The following SDK1 variants were observed in gnomAD, a reference collection of about 807,000 sequenced individuals.
SDK1 encodes protein sidekick-1.
SDK1 carries 157 observed loss-of-function variants against 245.5 expected under a neutral mutation model. The ratio of observed to expected loss-of-function variants is 0.64; its 90% CI spans 0.56 to 0.73. The LOEUF is 0.73. Among genes scored for constraint, SDK1 ranks in the 30% least tolerant of loss-of-function variants. The probability of loss-of-function intolerance (pLI) is 0.00; values close to 1 mark genes in which losing one functional copy is unlikely to be tolerated. For synonymous variants in SDK1, 1,647 were observed against 1,278.5 expected (o/e 1.29, Z -6.15); for missense variants, 3,583 against 3,002.3 (o/e 1.19, Z -4.52).
intron 17 of SDK1, among the ~76,000 whole-genome samples, chr7:4,019,857 A>G (rs1372900740): frequency 1.3e-5 from 2 of 152,050 alleles, no homozygotes; most frequent in East Asian, 3.9e-4. Flanking sequence ...ACAGATGTGG[A>G]TGGCCCTCCC....
intron 1 of SDK1, among the ~76,000 whole-genome samples, chr7:3,364,572 C>CA (rs1781039623): frequency 6.6e-6 from 1 of 152,080 alleles, no homozygotes; most frequent in Non-Finnish European, 1.5e-5. Context: ...GCACCTCTCT[C>CA]AAAAATCACT....
chr7:3,580,776 G>C (rs1780454114), intron 1 of SDK1, among the ~76,000 whole-genome samples: 1 of 151,886 alleles, frequency 6.6e-6, no homozygotes, highest in Non-Finnish European at 1.5e-5. Context: ...AGACGATCCT[G>C]GCTAACACCG....
At chr7:3,702,878 C>A (rs1215711928) in intron 4 of SDK1, among the ~76,000 whole-genome samples, 1 of 151,634 alleles carries the variant, frequency 6.6e-6, no homozygotes, top group Admixed American at 6.6e-5. Context: ...AGATTGAAAC[C>A]AAAATAAGAG....
chr7:3,577,622 G>C lies in SDK1; in HGVS notation c.299-41458G>C, dbSNP rs1190936250. Among the ~76,000 whole-genome samples the C allele has an allele frequency of 2.6e-5, 4 of 151,958 alleles. No homozygotes were observed. The East Asian group carries it at 5.8e-4, about 22-fold the overall frequency. On this transcript the variant is annotated intron_variant, in intron 1 of 44. Coordinates refer to ENST00000404826, the MANE Select transcript of SDK1 (RefSeq NM_152744.4). ...CTCACTTTTGCTTCTGCTCTTTATT[G>C]AACCTGTTTTGTGTCAGATACTGTG...
chr7:3,427,052 A>C (rs1361738131), intron 1 of SDK1, among the ~76,000 whole-genome samples: 1 of 152,228 alleles, frequency 6.6e-6, no homozygotes, highest in Non-Finnish European at 1.5e-5. Flanking sequence ...ACAGTGATGC[A>C]GGACTGTAAC....
intron 4 of SDK1, among the ~76,000 whole-genome samples, chr7:3,719,345 G>GA (rs995233482): frequency 2.5e-4 from 37 of 150,730 alleles, no homozygotes; most frequent in Admixed American, 1.8e-3. Flanking sequence ...AAACAACTCT[G>GA]AAAAAGAAGA....
chr7:4,090,799 C>G (rs1410351939), intron 22 of SDK1, among the ~76,000 whole-genome samples: 1 of 152,174 alleles, frequency 6.6e-6, no homozygotes, highest in African/African-American at 2.4e-5. Context: ...ATATCTATAG[C>G]TAGGTCAGTT....
At chr7:4,250,050 C>T (rs575583303) in intron 44 of SDK1, among the ~76,000 whole-genome samples, 1 of 152,334 alleles carries the variant, frequency 6.6e-6, no homozygotes, top group African/African-American at 2.4e-5. Context: ...CACCCACATA[C>T]ACCTGCAGCC....
chr7:3,725,061 G>A (rs1778969208), intron 4 of SDK1, among the ~76,000 whole-genome samples: 1 of 152,176 alleles, frequency 6.6e-6, no homozygotes, highest in Non-Finnish European at 1.5e-5. Flanking sequence ...AATGTGAATG[G>A]GCCTAGTTGT....
chr7:3,701,548 A>G (rs1437881423), intron 4 of SDK1, among the ~76,000 whole-genome samples: 1 of 152,162 alleles, frequency 6.6e-6, no homozygotes, highest in Non-Finnish European at 1.5e-5. Flanking sequence ...GTAGTGAGCT[A>G]TGATCGTGCT....
At position 4,114,192 on chromosome 7, in the gene SDK1, A is replaced by G. The variant is rs2141076; in HGVS notation, c.3741A>G (p.Glu1247=). The change falls in exon 25 of 45, where the codon GAA becomes GAG. Residue 1247 remains glutamate, a synonymous_variant. Transcript: ENST00000404826. ...TCGAGGAGCTGGAGGAGTGGATGGA[A>G]TACGAGCTGCAGATGCAGGCCTTCA... ...FTIEELEEWM[E]YELQMQAFNA... 0.13 allele frequency: 209,391 copies of G among 1,613,882 alleles called. 15,062 individuals are homozygous for G. Among genetic ancestry groups the G allele is most frequent in the African/African-American group, 0.24 (18,044 of 75,016 alleles).
intron 28 of SDK1, among the ~76,000 whole-genome samples, chr7:4,140,821 G>T (rs657717): frequency 0.18 from 27,081 of 152,138 alleles, 2,600 homozygotes; most frequent in South Asian, 0.24. Context: ...ATTAATAGAG[G>T]CCAGACACAG....
chr7:3,629,246 A>G (rs992477898), intron 2 of SDK1, among the ~76,000 whole-genome samples: 1 of 151,488 alleles, frequency 6.6e-6, no homozygotes, highest in Non-Finnish European at 1.5e-5. Flanking sequence ...GCTTGCAGTG[A>G]GCTGAGATCT....
chr7:4,137,605 A>G (rs981073449), intron 28 of SDK1, among the ~76,000 whole-genome samples: 61 of 152,286 alleles, frequency 4.0e-4, no homozygotes, highest in African/African-American at 1.4e-3. Context: ...TTCCATTTGG[A>G]TCAATGTGTC....
intron 16 of SDK1, among the ~76,000 whole-genome samples, chr7:4,012,549 C>CTTTTTT (rs777199429): frequency 0.014 from 360 of 25,974 alleles, 109 homozygotes; most frequent in Middle Eastern, 0.083. Flanking sequence ...CAATGTGAAG[C>CTTTTTT]TTTTTTTTTT....
chr7:3,861,426 C>G (rs1440432235), intron 5 of SDK1, among the ~76,000 whole-genome samples: 1 of 152,186 alleles, frequency 6.6e-6, no homozygotes, highest in African/African-American at 2.4e-5. Flanking sequence ...GGGTAGTAAT[C>G]ACTGTGCAGG....
intron 5 of SDK1, among the ~76,000 whole-genome samples, chr7:3,903,932 C>T (rs1781878067): frequency 6.6e-6 from 1 of 152,150 alleles, no homozygotes; most frequent in African/African-American, 2.4e-5. Context: ...TGCTTTCTCT[C>T]TGGCCATGTA....
At chr7:4,066,215 A>G (rs566549450) in intron 19 of SDK1, among the ~76,000 whole-genome samples, 55 of 152,018 alleles carry the variant, frequency 3.6e-4, no homozygotes, top group African/African-American at 1.1e-3. Flanking sequence ...CTTTGTCGCT[A>G]TGTTTCTCCT....
chr7:3,510,489 A>G (rs867012178), intron 1 of SDK1, among the ~76,000 whole-genome samples: 1 of 152,164 alleles, frequency 6.6e-6, no homozygotes, highest in Non-Finnish European at 1.5e-5. Flanking sequence ...AAGGCATGGG[A>G]TTTATTTAAT....
Sources: allele counts gnomAD v4.1 joint callset (sites outside exome capture counted in the v4.1 genomes callset), GRCh38; gene constraint gnomAD v4.1.1; transcripts MANE v1.5; gene names NCBI Gene and HGNC (gene_info 2026-07-23, HGNC 2026-07-21).